Variants in ZNF442 observed in about 807,000 individuals in gnomAD.
ZNF442 encodes zinc finger protein 442.
ZNF442 carries 45 observed loss-of-function variants against 57.0 expected under a neutral mutation model. The ratio of observed to expected loss-of-function variants is 0.79; its 90% CI spans 0.62 to 1.01. ZNF442 has a LOEUF of 1.01. Ranked by LOEUF, ZNF442 falls within the 50% of genes least tolerant of loss-of-function variation. ZNF442 has a pLI of 0.00. For synonymous variants in ZNF442, 213 were observed against 241.8 expected, an observed-to-expected ratio of 0.88 and a Z score of 1.10; for missense variants, 690 against 756.5, an observed-to-expected ratio of 0.91 and a Z score of 1.03.
At position 12,350,518 on chromosome 19, in the gene ZNF442, T is replaced by C; in HGVS notation, c.1067A>G (p.Lys356Arg). ...DGPHKCKICG[K>R]GFDCPSSLQS... ...CAGTGAACTAGGACAATCAAAGCCT[T>C]TCCCACATATCTTACATTTATGAGG... The change falls in exon 6 of 6, where the codon AAA becomes AGA. Residue 356 changes from lysine (K) to arginine (R), a missense_variant. Transcript: ENST00000242804. The C allele has an allele frequency of 1.2e-6, 2 of 1,613,714 alleles. No homozygotes were observed. Among genetic ancestry groups the C allele is most frequent in the Non-Finnish European group, 1.7e-6 (2 of 1,179,914 alleles).
Position 12,348,566 on chromosome 19 carries a change from T to C in ZNF442, c.*1135A>G, listed in dbSNP as rs937672842. 1 of 152,180 alleles carries C rather than the reference T, an allele frequency of 6.6e-6. No individual in the cohort carries two copies. Among genetic ancestry groups the C allele is most frequent in the African/African-American group, 2.4e-5 (1 of 41,438 alleles). The allele number at this position is 152,180 out of a possible 1,614,324, so 9.4% of individuals were successfully genotyped here. ...TTCAGTGTGTACACATCTTCAGCCC[T>C]CATGCTGAACAGATTCTGACATTAG... On this transcript the variant is annotated 3_prime_UTR_variant, in exon 6 of 6. Coordinates refer to ENST00000242804, the MANE Select transcript of ZNF442 (RefSeq NM_030824.3).
At chr19:12,353,481 T>C (rs1003042506) in intron 3 of ZNF442, among the ~76,000 whole-genome samples, 3 of 152,226 alleles carry the variant, frequency 2.0e-5, no homozygotes, top group African/African-American at 7.2e-5. Flanking sequence ...TATTTACAAA[T>C]GCTGGTTAAC....
chr19:12,352,118 A>G (rs755216282), intron 4 of ZNF442, 48 bp from the exon 5 acceptor site: 82 of 1,554,358 alleles, frequency 5.3e-5, no homozygotes, highest in Non-Finnish European at 7.2e-5. Context: ...ATAAAATTCT[A>G]AAAACACTAC....
intron 3 of ZNF442, among the ~76,000 whole-genome samples, chr19:12,354,584 G>T (rs967958528): frequency 6.7e-6 from 1 of 150,074 alleles, no homozygotes; most frequent in Non-Finnish European, 1.5e-5. Flanking sequence ...TTTTTTTGGA[G>T]GGGGGAGACA....
At chr19:12,363,343 C>T (rs114369173) in intron 3 of ZNF442, among the ~76,000 whole-genome samples, 7,104 of 152,058 alleles carry the variant, frequency 0.047, 547 homozygotes, top group African/African-American at 0.16. Flanking sequence ...GGATGGGCAG[C>T]ACTGACTCGA....
At position 12,349,566 on chromosome 19, in the gene ZNF442, A is replaced by G. The variant is rs1016901623; in HGVS notation, c.*135T>C. 1.1e-6 allele frequency: 1 copy of G among 883,730 alleles called. No individual in the cohort carries two copies. Among genetic ancestry groups the G allele is most frequent in the East Asian group, 2.7e-5 (1 of 37,322 alleles). The allele number at this position is 883,730 out of a possible 1,614,324, so 54.7% of individuals were successfully genotyped here. On this transcript the variant is annotated 3_prime_UTR_variant, in exon 6 of 6. Coordinates refer to ENST00000242804, the MANE Select transcript of ZNF442 (RefSeq NM_030824.3). ...GGGGTCTGGAACCAATCCCCTGCAT[A>G]TGGTTAGGGGATAACCATATTCAAA...
intron 3 of ZNF442, among the ~76,000 whole-genome samples, chr19:12,356,302 G>A (rs1969328268): frequency 6.6e-6 from 1 of 151,950 alleles, no homozygotes; most frequent in Non-Finnish European, 1.5e-5. Flanking sequence ...CCTTCCATGT[G>A]AAAACTGGTT....
In ZNF442 at chr19:12,355,402, C is replaced by T. The variant is rs1599589871; in HGVS notation, c.79-2288G>A. On this transcript the variant is annotated intron_variant, in intron 3 of 5. Coordinates refer to ENST00000242804, the MANE Select transcript of ZNF442 (RefSeq NM_030824.3). ...TTGAGACGGAGTTTCGCTCTTATTACCCAGGCTGGAGTGCAATGGCACGAT... is the reference window on the plus strand; with the variant it reads ...TTGAGACGGAGTTTCGCTCTTATTATCCAGGCTGGAGTGCAATGGCACGAT... Among the ~76,000 whole-genome samples the T allele has an allele frequency of 1.4e-5, 2 of 145,804 alleles. 1 individual carries two copies. The highest frequency in any genetic ancestry group is 5.0e-5 in the African/African-American group (2 of 39,788).
upstream of ZNF442, among the ~76,000 whole-genome samples, chr19:12,367,987 T>C (rs1969552178): frequency 6.6e-6 from 1 of 152,130 alleles, no homozygotes; most frequent in Non-Finnish European, 1.5e-5. Context: ...TTATTAATAT[T>C]CCTTGCTGGG....
Position 12,351,338 on chromosome 19 carries a change from T to C in ZNF442, c.267-20A>G, listed in dbSNP as rs1159483033. 32 of 1,584,634 alleles carry C rather than the reference T, an allele frequency of 2.0e-5. No individual in the cohort carries two copies. Among genetic ancestry groups the C allele is most frequent in the Non-Finnish European group, 2.7e-5 (31 of 1,166,646 alleles). On this transcript the variant is annotated intron_variant, in intron 5 of 5. Transcript: ENST00000242804. ...TGACATCTGTAAAACATGAGAAGTA[T>C]ATTAATAAAGGTTTATTTATAAATG...
Position 12,363,536 on chromosome 19 carries a change from G to C in ZNF442, c.78+18C>G. On this transcript the variant is annotated intron_variant, in intron 3 of 5. Coordinates refer to ENST00000242804, the MANE Select transcript of ZNF442 (RefSeq NM_030824.3). ...AGGTTCTTGCACAACTGGAATGAGTGGGTTCTCCAGTGCTTACATATTGTT... is the reference window on the plus strand; with the variant it reads ...AGGTTCTTGCACAACTGGAATGAGTCGGTTCTCCAGTGCTTACATATTGTT... The C allele has an allele frequency of 6.2e-7, 1 of 1,611,316 alleles. No individual in the cohort carries two copies. Among genetic ancestry groups the C allele is most frequent in the Non-Finnish European group, 8.5e-7 (1 of 1,177,462 alleles).
In ZNF442 at chr19:12,350,022, A is replaced by C; in HGVS notation, c.1563T>G (p.Cys521Trp). 6.2e-7 allele frequency: 1 copy of C among 1,614,138 alleles called. No homozygotes were observed. The highest frequency in any genetic ancestry group is 8.5e-7 in the Non-Finnish European group (1 of 1,180,012). Residue 521 changes from cysteine to tryptophan, a missense_variant, in exon 6 of 6, where the codon TGT (cysteine) becomes TGG (tryptophan). Physicochemically the swap from Cys to Trp is radical, Grantham distance 215. Transcript: ENST00000242804. ...MAEKPYECKTCKKAFSHFGNL... is the reference protein window; with the variant it reads ...MAEKPYECKTWKKAFSHFGNL... ...TACCAAAATGACTGAAGGCTTTCTT[A>C]CATGTTTTACATTCATAAGGTTTTT...
At chr19:12,359,456 G>C (rs1396961995) in intron 3 of ZNF442, among the ~76,000 whole-genome samples, 1 of 152,162 alleles carries the variant, frequency 6.6e-6, no homozygotes, top group Non-Finnish European at 1.5e-5. Flanking sequence ...AACTCAGCCA[G>C]ATAAAGAACC....
At chr19:12,352,807 T>C (rs757294309) in intron 4 of ZNF442, among the ~76,000 whole-genome samples, 181 bp downstream of exon 4, 26 of 152,196 alleles carry the variant, frequency 1.7e-4, no homozygotes, top group Non-Finnish European at 3.1e-4. Flanking sequence ...GAAGGTTAAG[T>C]TGTAGTGAAC....
In ZNF442 at chr19:12,353,071, TC is replaced by T; in HGVS notation, c.121del (p.Glu41LysfsTer17). On this transcript the variant is annotated frameshift_variant, in exon 4 of 6. Coordinates refer to ENST00000242804, the MANE Select transcript of ZNF442 (RefSeq NM_030824.3). LOFTEE classifies it high-confidence loss of function. ...TGATGGACCCAGCAAAGCCCACTCT[TC>T]CTGGGTGAAGTTCACCGCCACATCC... The part of the protein sequence containing the change: ...FEDVAVNFTQ[E>X]EWALLGPSQK... The T allele has an allele frequency of 6.2e-7, 1 of 1,613,498 alleles. No homozygotes were observed. The highest frequency in any genetic ancestry group is 8.5e-7 in the Non-Finnish European group (1 of 1,179,748).
chr19:12,353,287 C>T (rs1437196279), intron 3 of ZNF442, among the ~76,000 whole-genome samples, 173 bp from the exon 4 acceptor site: 17 of 152,206 alleles, frequency 1.1e-4, no homozygotes, highest in Non-Finnish European at 2.5e-4. Context: ...AATTCTGATG[C>T]TAGAATTGAA....
At chr19:12,366,959 C>T (rs1164942514), upstream of ZNF442, among the ~76,000 whole-genome samples, 1 of 152,138 alleles carries the variant, frequency 6.6e-6, no homozygotes, top group African/African-American at 2.4e-5. Flanking sequence ...TACCTAAATA[C>T]TTATTAAGCA....
At chr19:12,363,153 C>T (rs1969466068) in intron 3 of ZNF442, among the ~76,000 whole-genome samples, 2 of 127,038 alleles carry the variant, frequency 1.6e-5, no homozygotes, top group South Asian at 2.5e-4. Flanking sequence ...TGCGAAGCTC[C>T]GTCTCAAAAA....
intron 3 of ZNF442, among the ~76,000 whole-genome samples, chr19:12,355,695 C>T (rs376332265): frequency 6.7e-5 from 10 of 149,582 alleles, no homozygotes; most frequent in East Asian, 4.1e-4. Flanking sequence ...AGGCCGGGCA[C>T]GGTGGCTCAC....
Sources: allele counts gnomAD v4.1 joint callset (sites outside exome capture counted in the v4.1 genomes callset), GRCh38; gene constraint gnomAD v4.1.1; transcripts MANE v1.5; gene names NCBI Gene and HGNC (gene_info 2026-07-23, HGNC 2026-07-21).